C13orf42: variants seen among roughly 807,000 people sequenced by gnomAD.
C13orf42 encodes chromosome 13 open reading frame 42.
intron 1 of C13orf42, among the ~76,000 whole-genome samples, chr13:51,120,048 G>A (rs149617689): frequency 3.3e-5 from 5 of 152,212 alleles, no homozygotes; most frequent in East Asian, 1.9e-4. Flanking sequence ...ATTGAAGTCC[G>A]CGCTGATTTA....
At chr13:51,087,602 C>T (rs578145361) in intron 2 of C13orf42, among the ~76,000 whole-genome samples, 1 of 152,270 alleles carries the variant, frequency 6.6e-6, no homozygotes, top group South Asian at 2.1e-4. Context: ...CTATTGCTGT[C>T]CTTCTTGGAG....
At chr13:51,103,092 A>G (rs879426423) in intron 1 of C13orf42, among the ~76,000 whole-genome samples, 2 of 152,200 alleles carry the variant, frequency 1.3e-5, no homozygotes, top group Non-Finnish European at 2.9e-5. Flanking sequence ...GAAAATGTCC[A>G]ATGTGAACCA....
intron 1 of C13orf42, among the ~76,000 whole-genome samples, chr13:51,156,989 T>C (rs1188685604): frequency 6.6e-6 from 1 of 152,250 alleles, no homozygotes; most frequent in Non-Finnish European, 1.5e-5. Flanking sequence ...TCTATAGTTA[T>C]TTAAAATTTC....
At chr13:51,104,625 A>G (rs545534093) in intron 1 of C13orf42, among the ~76,000 whole-genome samples, 39 of 152,352 alleles carry the variant, frequency 2.6e-4, no homozygotes, top group African/African-American at 9.4e-4. Context: ...CATTTATTGT[A>G]CCACACTAAA....
intron 1 of C13orf42, among the ~76,000 whole-genome samples, chr13:51,123,588 T>C (rs557330503): frequency 2.9e-4 from 44 of 152,354 alleles, no homozygotes; most frequent in African/African-American, 1.0e-3. Context: ...GGTTTGTGTA[T>C]TCAAACCATT....
At chr13:51,144,343 C>CT (rs59846653) in intron 1 of C13orf42, among the ~76,000 whole-genome samples, 74,714 of 143,270 alleles carry the variant, frequency 0.52, 18,524 homozygotes, top group African/African-American at 0.58. Flanking sequence ...AGTCTTAAAA[C>CT]TTTCTTTTGA....
At chr13:51,143,481 G>C (rs1243649533) in intron 1 of C13orf42, among the ~76,000 whole-genome samples, 2 of 133,276 alleles carry the variant, frequency 1.5e-5, no homozygotes, top group East Asian at 4.2e-4. Context: ...ACTTATGGAA[G>C]TTATATTATA....
chr13:51,108,452 G>A (rs758792769), intron 1 of C13orf42, among the ~76,000 whole-genome samples: 6 of 152,096 alleles, frequency 3.9e-5, no homozygotes, highest in Non-Finnish European at 8.8e-5. Context: ...AGAGACCCAG[G>A]CAGCCATGGG....
intron 1 of C13orf42, among the ~76,000 whole-genome samples, chr13:51,147,031 G>A (rs1288287856): frequency 6.6e-6 from 1 of 152,206 alleles, no homozygotes; most frequent in African/African-American, 2.4e-5. Context: ...GCCTACCCTT[G>A]CTGGAAGCAG....
intron 1 of C13orf42, among the ~76,000 whole-genome samples, chr13:51,100,163 GT>G (rs1264253585): frequency 1.5e-3 from 226 of 150,438 alleles, no homozygotes; most frequent in African/African-American, 3.6e-3. Context: ...AAAGGGATTG[GT>G]TTTTTTTAAA....
upstream of C13orf42, among the ~76,000 whole-genome samples, chr13:51,113,383 G>T (rs554745395): frequency 6.6e-6 from 1 of 152,342 alleles, no homozygotes; most frequent in African/African-American, 2.4e-5. Context: ...CCCTCCTGGA[G>T]CTCCTACTGA....
chr13:51,143,386 T>C (rs1055033898), intron 1 of C13orf42, among the ~76,000 whole-genome samples: 4 of 152,188 alleles, frequency 2.6e-5, no homozygotes, highest in African/African-American at 9.7e-5. Flanking sequence ...GGCACATTGA[T>C]GCAAAACCAG....
chr13:51,127,834 C>A (rs926972650), intron 1 of C13orf42, among the ~76,000 whole-genome samples: 1 of 152,178 alleles, frequency 6.6e-6, no homozygotes, highest in Non-Finnish European at 1.5e-5. Context: ...TGAACCAGAG[C>A]AACTCCATCT....
intron 1 of C13orf42, among the ~76,000 whole-genome samples, chr13:51,100,095 G>A (rs1953272220): frequency 6.6e-6 from 1 of 151,306 alleles, no homozygotes; most frequent in Non-Finnish European, 1.5e-5. Context: ...TGCTATTCGG[G>A]AAAATTCAAG....
chr13:51,111,497 A>G (rs4942950), upstream of C13orf42, among the ~76,000 whole-genome samples: 129,799 of 152,220 alleles, frequency 0.85, 55,887 homozygotes, highest in African/African-American at 0.96. Flanking sequence ...TGAAGCATTG[A>G]GTGCAAATAC....
intron 1 of C13orf42, among the ~76,000 whole-genome samples, chr13:51,128,385 C>T (rs74085952): frequency 0.015 from 2,289 of 152,270 alleles, 55 homozygotes; most frequent in African/African-American, 0.052. Context: ...AGGGATGACA[C>T]TGAGGAGAAC....
intron 1 of C13orf42, among the ~76,000 whole-genome samples, chr13:51,148,125 G>T: frequency 6.6e-6 from 1 of 152,294 alleles, no homozygotes; most frequent in South Asian, 2.1e-4. Flanking sequence ...TGTGATTTCC[G>T]TAAAATCCCA....
intron 1 of C13orf42, among the ~76,000 whole-genome samples, chr13:51,094,735 A>C (rs186432478): frequency 1.3e-5 from 2 of 152,298 alleles, no homozygotes; most frequent in African/African-American, 4.8e-5. Flanking sequence ...TTTAAAAGAT[A>C]TTTCCACTGA....
chr13:51,127,166 T>TA (rs1953583689), intron 1 of C13orf42, among the ~76,000 whole-genome samples: 1 of 151,500 alleles, frequency 6.6e-6, no homozygotes, highest in South Asian at 2.1e-4. Context: ...GACTGTGTCT[T>TA]AAAAAAATAA....
Sources: gnomAD v4.1 joint callset for allele counts (sites outside exome capture counted in the v4.1 genomes callset) on GRCh38, gnomAD v4.1.1 for gene constraint, MANE v1.5 for transcripts, NCBI Gene and HGNC (gene_info 2026-07-23, HGNC 2026-07-21) for gene names.